Variants in RBFOX1 observed in about 807,000 individuals in gnomAD.
RBFOX1 encodes RNA binding protein fox-1 homolog 1.
RBFOX1 carries 8 observed loss-of-function variants against 57.7 expected under a neutral mutation model. The ratio of observed to expected loss-of-function variants is 0.14; its 90% CI spans 0.08 to 0.25. The LOEUF (loss-of-function observed/expected upper bound fraction) is 0.25, where lower values mean the gene tolerates loss of function less well. Ranked by LOEUF, RBFOX1 falls within the 10% of genes least tolerant of loss-of-function variation. The pLI is 1.00. For synonymous variants in RBFOX1, 326 were observed against 222.4 expected, an observed-to-expected ratio of 1.47 and a Z score of -4.15; for missense variants, 611 against 548.5, an observed-to-expected ratio of 1.11 and a Z score of -1.14.
At chr16:7,393,490 A>C (rs984536503) in intron 4 of RBFOX1, among the ~76,000 whole-genome samples, 2 of 152,164 alleles carry the variant, frequency 1.3e-5, no homozygotes, top group African/African-American at 2.4e-5. Flanking sequence ...CATCTGTCTT[A>C]GGTCAGATTT....
intron 2 of RBFOX1, among the ~76,000 whole-genome samples, chr16:5,579,440 C>T (rs2046586062): frequency 6.6e-6 from 1 of 152,154 alleles, no homozygotes; most frequent in Non-Finnish European, 1.5e-5. Context: ...GTGCTCCCCG[C>T]ATCCATGTGT....
At chr16:5,709,272 G>T (rs1051485915) in intron 3 of RBFOX1, among the ~76,000 whole-genome samples, 7 of 152,150 alleles carry the variant, frequency 4.6e-5, no homozygotes, top group African/African-American at 1.7e-4. Flanking sequence ...CAAAGACGAT[G>T]GGTGCATAAT....
intron 10 of RBFOX1, among the ~76,000 whole-genome samples, chr16:7,624,688 G>C (rs1367898070): frequency 6.6e-6 from 1 of 152,166 alleles, no homozygotes; most frequent in Non-Finnish European, 1.5e-5. Context: ...TGCCCTGCAG[G>C]GTTCTAGGGT....
At chr16:5,901,973 C>G (rs1359931176) in intron 4 of RBFOX1, among the ~76,000 whole-genome samples, 3 of 152,190 alleles carry the variant, frequency 2.0e-5, no homozygotes, top group African/African-American at 4.8e-5. Context: ...CTCATAGCCC[C>G]TAGTCCTCCT....
chr16:7,083,753 A>T (rs2059556062), intron 4 of RBFOX1, among the ~76,000 whole-genome samples: 1 of 151,834 alleles, frequency 6.6e-6, no homozygotes, highest in African/African-American at 2.4e-5. Context: ...GGGAGAAGGT[A>T]GTGCCCAGAA....
chr16:5,973,530 G>C (rs1447162547), intron 4 of RBFOX1, among the ~76,000 whole-genome samples: 1 of 152,182 alleles, frequency 6.6e-6, no homozygotes, highest in Non-Finnish European at 1.5e-5. Context: ...AGGATATGAA[G>C]GACCAGTCTC....
At chr16:6,964,950 G>T (rs193171589) in intron 3 of RBFOX1, among the ~76,000 whole-genome samples, 2 of 152,282 alleles carry the variant, frequency 1.3e-5, no homozygotes, top group East Asian at 3.9e-4. Context: ...GATAACAGAC[G>T]CCAGGCACTT....
chr16:7,427,576 G>T (rs1412735541), intron 4 of RBFOX1, among the ~76,000 whole-genome samples: 1 of 151,468 alleles, frequency 6.6e-6, no homozygotes. Flanking sequence ...ACCTTCCCTT[G>T]CCCAAGCTAA....
chr16:7,410,623 G>A (rs967629709), intron 4 of RBFOX1, among the ~76,000 whole-genome samples: 2 of 152,194 alleles, frequency 1.3e-5, no homozygotes, highest in East Asian at 3.9e-4. Context: ...GTTGCAGTGA[G>A]CCAAGATTGT....
chr16:5,507,482 G>A (rs952596031), intron 2 of RBFOX1, among the ~76,000 whole-genome samples: 3 of 152,146 alleles, frequency 2.0e-5, no homozygotes, highest in Admixed American at 6.6e-5. Flanking sequence ...GCTTCCCAGT[G>A]GGCTGGAATT....
chr16:6,073,706 A>G (rs1180458860), intron 1 of RBFOX1, among the ~76,000 whole-genome samples: 1 of 152,194 alleles, frequency 6.6e-6, no homozygotes, highest in South Asian at 2.1e-4. Flanking sequence ...ATAAATTTTA[A>G]TAGAGTTTTT....
At chr16:6,365,294 G>A (rs755067748) in intron 2 of RBFOX1, among the ~76,000 whole-genome samples, 6 of 151,758 alleles carry the variant, frequency 4.0e-5, no homozygotes, top group Non-Finnish European at 8.8e-5. Flanking sequence ...GTGGATGAAT[G>A]GATGGGTGGA....
intron 2 of RBFOX1, among the ~76,000 whole-genome samples, chr16:5,573,005 C>G (rs1267361338): frequency 6.6e-6 from 1 of 152,080 alleles, no homozygotes; most frequent in African/African-American, 2.4e-5. Context: ...ATGAAGGCTG[C>G]CCCAGCCACT....
At chr16:7,110,799 A>C (rs1185951041) in intron 4 of RBFOX1, among the ~76,000 whole-genome samples, 1 of 152,198 alleles carries the variant, frequency 6.6e-6, no homozygotes, top group African/African-American at 2.4e-5. Flanking sequence ...AGAAAATTTT[A>C]GTGACTAAAG....
At chr16:5,959,824 T>G (rs183374892) in intron 4 of RBFOX1, among the ~76,000 whole-genome samples, 63 of 151,286 alleles carry the variant, frequency 4.2e-4, no homozygotes, top group Admixed American at 8.6e-4. Context: ...GAAAAAGAAA[T>G]AAAGAAAGAA....
intron 3 of RBFOX1, among the ~76,000 whole-genome samples, chr16:6,714,065 C>T (rs899945594): frequency 2.6e-5 from 4 of 152,086 alleles, no homozygotes; most frequent in South Asian, 2.1e-4. Flanking sequence ...GGGTGGTTTC[C>T]CCCATGCCAT....
At chr16:6,554,125 G>A (rs916355111) in intron 2 of RBFOX1, among the ~76,000 whole-genome samples, 1 of 152,164 alleles carries the variant, frequency 6.6e-6, no homozygotes, top group Non-Finnish European at 1.5e-5. Flanking sequence ...TGTTAAAGAA[G>A]TAATTAGAAA....
chr16:5,855,456 C>T lies in RBFOX1; in HGVS notation c.319-11847C>T, dbSNP rs2057000859. On this transcript the variant is annotated intron_variant, in intron 3 of 19. Transcript: ENST00000641259. ...TTTTGCCTGTGGATATCCAGTTTTC[C>T]CCATACCATTTATTGAAGAGACTGT... Among the ~76,000 whole-genome samples, 3 of 152,064 alleles carry T rather than the reference C, an allele frequency of 2.0e-5. No homozygotes were observed. In the South Asian group the frequency reaches 6.2e-4, roughly 31 times the overall value.
intron 1 of RBFOX1, among the ~76,000 whole-genome samples, chr16:6,062,094 C>T (rs900320697): frequency 3.9e-5 from 6 of 152,112 alleles, no homozygotes; most frequent in Non-Finnish European, 8.8e-5. Flanking sequence ...TAGAGATGAA[C>T]AGCCAAACGA....
Sources: allele counts gnomAD v4.1 joint callset (sites outside exome capture counted in the v4.1 genomes callset), GRCh38; gene constraint gnomAD v4.1.1; transcripts MANE v1.5; gene names NCBI Gene and HGNC (gene_info 2026-07-23, HGNC 2026-07-21).